The following VRTN variants were observed in gnomAD, a reference collection of about 807,000 sequenced individuals.
VRTN encodes vertebrae development associated.
In VRTN, 5 loss-of-function variants were observed where a neutral mutation model predicts 18.2. The observed-to-expected ratio is 0.27, with a 90% CI of 0.14 to 0.58. VRTN has a LOEUF of 0.58. Among genes scored for constraint, VRTN ranks in the 20% least tolerant of loss-of-function variants. The probability of loss-of-function intolerance (pLI) is 0.91; values close to 1 mark genes in which losing one functional copy is unlikely to be tolerated. For missense variants in VRTN, 741 were observed against 939.4 expected, an observed-to-expected ratio of 0.79 and a Z score of 2.76; for synonymous variants, 381 against 393.7, an observed-to-expected ratio of 0.97 and a Z score of 0.38.
At chr14:74,343,782 T>C (rs1032162922), upstream of VRTN, among the ~76,000 whole-genome samples, 2 of 152,030 alleles carry the variant, frequency 1.3e-5, no homozygotes, top group African/African-American at 4.8e-5. Flanking sequence ...AAAAAAGGAA[T>C]GTAAAACATA....
At chr14:74,312,684 G>A (rs574115203) in intron 1 of VRTN, among the ~76,000 whole-genome samples, 1 of 150,976 alleles carries the variant, frequency 6.6e-6, no homozygotes, top group African/African-American at 2.4e-5. Flanking sequence ...CTCCTGGGCT[G>A]AAGTGATCTG....
At chr14:74,331,541 AT>A (rs1236147395) in intron 1 of VRTN, among the ~76,000 whole-genome samples, 3 of 50,716 alleles carry the variant, frequency 5.9e-5, no homozygotes, top group Non-Finnish European at 7.6e-5. Context: ...AAAAAAAAAA[AT>A]TTTATATATA....
intron 1 of VRTN, among the ~76,000 whole-genome samples, chr14:74,320,898 TA>T (rs766559301): frequency 0.013 from 1,124 of 83,596 alleles, 7 homozygotes; most frequent in African/African-American, 0.032. Context: ...CCCATCTCTT[TA>T]AAAAAAAAAA....
chr14:74,321,519 T>C (rs1365950469), intron 1 of VRTN, among the ~76,000 whole-genome samples: 2 of 150,960 alleles, frequency 1.3e-5, no homozygotes, highest in East Asian at 3.9e-4. Context: ...TTTTTTTTTT[T>C]TTTTGAGACA....
intron 1 of VRTN, among the ~76,000 whole-genome samples, chr14:74,354,798 G>C (rs1193630239): frequency 6.6e-6 from 1 of 152,026 alleles, no homozygotes; most frequent in East Asian, 1.9e-4. Context: ...ACTGAGTGAT[G>C]TAGATCTTTA....
chr14:74,331,227 CA>C (rs1230124297), intron 1 of VRTN, among the ~76,000 whole-genome samples: 1 of 142,536 alleles, frequency 7.0e-6, no homozygotes, highest in Non-Finnish European at 1.5e-5. Flanking sequence ...AATAAACAAA[CA>C]AACAAACCAC....
intron 1 of VRTN, among the ~76,000 whole-genome samples, chr14:74,315,588 G>C (rs999487615): frequency 4.6e-5 from 7 of 152,162 alleles, no homozygotes. Context: ...TAACTACTCT[G>C]TATGTGCCAG....
In VRTN at chr14:74,357,653, C is replaced by T. The variant is rs767258652; in HGVS notation, c.870C>T (p.Ser290=). The change falls in exon 2 of 2, where the codon AGC becomes AGT. Residue 290 remains serine (S), a synonymous_variant. Transcript: ENST00000256362. This position sits in a 1 kb window ranked among gnomAD's most constrained non-coding sequence, Gnocchi z 7.8. The stretch of plus-strand genomic sequence containing the variant: ...ACTCTCACCTCTGTGAGCGCTACAG[C>T]GTCACCAAAAGCACCTTCTACCGCT... ...LSYSHLCERY[S]VTKSTFYRWR... is the part of the protein sequence containing the mutation. The T allele has an allele frequency of 1.5e-5, 24 of 1,613,846 alleles. No homozygotes were observed. The highest frequency in any genetic ancestry group is 1.6e-4 in the Middle Eastern group (1 of 6,062).
chr14:74,338,909 G>A (rs1201317926), intron 2 of VRTN, among the ~76,000 whole-genome samples: 1 of 152,094 alleles, frequency 6.6e-6, no homozygotes, highest in Non-Finnish European at 1.5e-5. Context: ...ATTTTTAGTA[G>A]AGATGAGGTT....
At chr14:74,335,930 G>A (rs1253629917) in intron 1 of VRTN, among the ~76,000 whole-genome samples, 2 of 151,384 alleles carry the variant, frequency 1.3e-5, no homozygotes, top group Non-Finnish European at 2.9e-5. Flanking sequence ...TAGTAGAGAT[G>A]GGGTTTCACC....
chr14:74,342,934 A>T (rs1002557677), intron 2 of VRTN, among the ~76,000 whole-genome samples: 1 of 152,150 alleles, frequency 6.6e-6, no homozygotes, highest in African/African-American at 2.4e-5. Context: ...TCTTACATAT[A>T]TGAAAAATGC....
upstream of VRTN, among the ~76,000 whole-genome samples, chr14:74,345,122 A>G (rs559874842): frequency 6.6e-6 from 1 of 152,214 alleles, no homozygotes; most frequent in South Asian, 2.1e-4. Flanking sequence ...ACCTTGGCTC[A>G]CTGCAGCCTT....
chr14:74,347,386 T>C (rs114549786), upstream of VRTN, among the ~76,000 whole-genome samples: 615 of 152,316 alleles, frequency 4.0e-3, 5 homozygotes, highest in African/African-American at 0.014. Flanking sequence ...GTGTGGCGGC[T>C]CTTCTTCCAG....
At chr14:74,337,394 G>T (rs1239049970) in intron 1 of VRTN, among the ~76,000 whole-genome samples, 1 of 151,854 alleles carries the variant, frequency 6.6e-6, no homozygotes, top group African/African-American at 2.4e-5. Flanking sequence ...AACAAAAAAA[G>T]AAACTCTGGA....
At chr14:74,329,478 G>T (rs2085508184) in intron 1 of VRTN, among the ~76,000 whole-genome samples, 1 of 152,074 alleles carries the variant, frequency 6.6e-6, no homozygotes, top group African/African-American at 2.4e-5. Flanking sequence ...TGCCCTGGCT[G>T]GTCTTGAACT....
In VRTN at chr14:74,358,653, T is replaced by G. The variant is rs1339078452; in HGVS notation, c.1870T>G (p.Leu624Val). Residue 624 changes from leucine (L) to valine (V), a missense_variant, in exon 2 of 2, where the codon TTG becomes GTG. Physicochemically the swap from Leu to Val is conservative, Grantham distance 32. This residue lies in a region of VRTN where 61 missense variants were observed against 104.6 expected (regional missense o/e 0.58). Coordinates refer to ENST00000256362, the MANE Select transcript of VRTN (RefSeq NM_018228.3). This position sits in a 1 kb window ranked among gnomAD's most constrained non-coding sequence, Gnocchi z 5.4. ...CCAGGGCCAGCCCCACAGTGGGCCC[T>G]TGCTGAGCCAACCTGTGGTGGCAGC... The part of the protein sequence containing the change: ...TAQGQPHSGP[L>V]LSQPVVAAAG... 6.2e-7 allele frequency: 1 copy of G among 1,611,144 alleles called. No homozygotes were observed. The highest frequency in any genetic ancestry group is 8.5e-7 in the Non-Finnish European group (1 of 1,178,510).
At chr14:74,306,316 G>A (rs1448050785) in intron 1 of VRTN, among the ~76,000 whole-genome samples, 3 of 150,588 alleles carry the variant, frequency 2.0e-5, no homozygotes, top group Admixed American at 6.6e-5. Flanking sequence ...GTAGGTGCTG[G>A]CATCACACAC....
chr14:74,334,453 C>T (rs1280232325), intron 1 of VRTN, among the ~76,000 whole-genome samples: 1 of 152,132 alleles, frequency 6.6e-6, no homozygotes, highest in Non-Finnish European at 1.5e-5. Context: ...TCAATTGAGC[C>T]TAGGAGGCAG....
intron 1 of VRTN, among the ~76,000 whole-genome samples, chr14:74,316,572 T>C (rs934414672): frequency 2.0e-5 from 3 of 151,382 alleles, no homozygotes; most frequent in Non-Finnish European, 4.4e-5. Context: ...GCCATGCAGA[T>C]TCTGAGGGAA....
Sources: allele counts gnomAD v4.1 joint callset (sites outside exome capture counted in the v4.1 genomes callset), GRCh38; gene constraint gnomAD v4.1.1; regional missense constraint gnomAD v4.1.1; non-coding constraint Gnocchi (gnomAD v3.1); transcripts MANE v1.5; gene names NCBI Gene and HGNC (gene_info 2026-07-23, HGNC 2026-07-21).